CDH17: variants seen among roughly 807,000 people sequenced by gnomAD.
CDH17 encodes the protein cadherin 17.
In CDH17, 67 loss-of-function variants were observed where a neutral mutation model predicts 86.3. The observed-to-expected ratio is 0.78, with a 90% CI of 0.64 to 0.95. CDH17 has a LOEUF of 0.95. CDH17 is among the 40% of genes least tolerant of loss of function. The probability of loss-of-function intolerance (pLI) is 0.00; values close to 1 mark genes in which losing one functional copy is unlikely to be tolerated. For missense variants in CDH17, 993 were observed against 1,017.6 expected (o/e 0.98, Z 0.33); for synonymous variants, 367 against 366.4 (o/e 1.00, Z -0.02).
intron 15 of CDH17, among the ~76,000 whole-genome samples, chr8:94,137,457 G>C (rs765733588): frequency 5.3e-5 from 8 of 152,202 alleles, no homozygotes; most frequent in Non-Finnish European, 7.3e-5. Flanking sequence ...AGGCACGGGA[G>C]AGAATCTCCT....
At chr8:94,163,537 C>A (rs1267876236) in intron 10 of CDH17, among the ~76,000 whole-genome samples, 32 of 152,248 alleles carry the variant, frequency 2.1e-4, no homozygotes. Flanking sequence ...CCCTCCCTGG[C>A]TCCTTCAGGT....
chr8:94,146,316 T>C, intron 14 of CDH17, 149 bp from the exon 15 acceptor site: 3 of 600,004 alleles, frequency 5.0e-6, no homozygotes, highest in Non-Finnish European at 7.7e-6. Flanking sequence ...CTAGTTTCAT[T>C]ACTGGTGAAA....
intron 1 of CDH17, among the ~76,000 whole-genome samples, chr8:94,199,083 A>ATATT (rs1283889347): frequency 1.3e-3 from 29 of 23,180 alleles, no homozygotes; most frequent in Middle Eastern, 0.021. Context: ...ATATATATAT[A>ATATT]TTTTTTTTTT....
Position 94,162,092 on chromosome 8 carries a change from T to G in CDH17, c.1353A>C (p.Lys451Asn). The change falls in exon 11 of 18, where the codon AAA (lysine) becomes AAC (asparagine). Residue 451 changes from lysine (K) to asparagine (N), a missense_variant. Physicochemically the swap from Lys to Asn is moderately conservative, Grantham distance 94 (BLOSUM62 0). Coordinates refer to ENST00000027335, the MANE Select transcript of CDH17 (RefSeq NM_004063.4). ...AATAATGACAACTACTCACATCTGA[T>G]TTTTCAAAGATGGGGATCTGATCAT... ...DINDQIPIFE[K>N]SDYGNLTLAE... The G allele has an allele frequency of 1.3e-6, 2 of 1,576,064 alleles. No individual in the cohort carries two copies. Among genetic ancestry groups the G allele is most frequent in the Non-Finnish European group, 1.7e-6 (2 of 1,145,576 alleles).
At chr8:94,150,566 C>T (rs1327424367) in intron 13 of CDH17, among the ~76,000 whole-genome samples, 1 of 152,148 alleles carries the variant, frequency 6.6e-6, no homozygotes, top group African/African-American at 2.4e-5. Context: ...TTATTCCTTA[C>T]TCCTGAAACA....
chr8:94,209,188 G>A (rs1329105956), upstream of CDH17, among the ~76,000 whole-genome samples: 2 of 152,016 alleles, frequency 1.3e-5, no homozygotes, highest in Non-Finnish European at 2.9e-5. Flanking sequence ...ATTTACCTAG[G>A]AACAACTTAT....
intron 1 of CDH17, among the ~76,000 whole-genome samples, chr8:94,207,028 C>T (rs188162884): frequency 2.0e-5 from 3 of 152,170 alleles, no homozygotes; most frequent in East Asian, 3.9e-4. Context: ...TTTCAGGGGT[C>T]ATCTGGGTGA....
chr8:94,208,422 T>C (rs186326389), intron 1 of CDH17, 61 bp downstream of exon 1: 26 of 152,334 alleles, frequency 1.7e-4, no homozygotes, highest in African/African-American at 5.3e-4. Flanking sequence ...TCCCCCTCCA[T>C]CTACTTTGTC....
intron 15 of CDH17, among the ~76,000 whole-genome samples, chr8:94,135,135 G>A (rs535536645): frequency 2.0e-5 from 3 of 152,284 alleles, no homozygotes; most frequent in African/African-American, 7.2e-5. Flanking sequence ...TGTATATTCT[G>A]TTGATTTGGG....
intron 12 of CDH17, among the ~76,000 whole-genome samples, chr8:94,154,957 G>C (rs113413512): frequency 6.6e-6 from 1 of 151,990 alleles, no homozygotes. Context: ...CCCCTTTCCC[G>C]CATGCATGCA....
At position 94,202,057 on chromosome 8, in the gene CDH17, C is replaced by T; in HGVS notation, c.-21+6426G>A. The T allele has an allele frequency of 1.2e-5, 2 of 164,274 alleles. 1 individual carries two copies. The highest frequency in any genetic ancestry group is 3.0e-4 in the South Asian group (2 of 6,768). The allele number at this position is 164,274 out of a possible 1,614,324, so 10.2% of individuals were successfully genotyped here. Reference sequence around the variant, plus strand: ...GATCAGCCTTGCACTGCTTTGTAGTCTTACATTTCTCTTTTTCTGTCAAAG... The same window carrying T: ...GATCAGCCTTGCACTGCTTTGTAGTTTTACATTTCTCTTTTTCTGTCAAAG... On this transcript the variant is annotated intron_variant, in intron 1 of 17. Transcript: ENST00000027335.
At chr8:94,199,712 G>A (rs1019147732) in intron 1 of CDH17, among the ~76,000 whole-genome samples, 8 of 152,060 alleles carry the variant, frequency 5.3e-5, no homozygotes, top group African/African-American at 1.7e-4. Context: ...ATTGCCACAC[G>A]TAGGGTGCCA....
At chr8:94,136,561 T>C (rs557952653) in intron 15 of CDH17, among the ~76,000 whole-genome samples, 4 of 152,320 alleles carry the variant, frequency 2.6e-5, no homozygotes, top group African/African-American at 9.6e-5. Flanking sequence ...TCAAGGTTTT[T>C]AGCTTCCTTG....
At chr8:94,146,194 G>T in intron 14 of CDH17, 27 bp from the exon 15 acceptor site, 1 of 1,446,370 alleles carries the variant, frequency 6.9e-7, no homozygotes. Context: ...TTGAAACATG[G>T]GATCAGTTCA....
intron 15 of CDH17, among the ~76,000 whole-genome samples, chr8:94,138,196 A>G (rs1315917019): frequency 1.3e-5 from 2 of 152,108 alleles, no homozygotes; most frequent in Non-Finnish European, 2.9e-5. Flanking sequence ...AATTTTCCCA[A>G]ATTTGGGAAG....
At chr8:94,181,452 G>A (rs902402765) in intron 3 of CDH17, among the ~76,000 whole-genome samples, 3 of 151,932 alleles carry the variant, frequency 2.0e-5, no homozygotes, top group African/African-American at 7.3e-5. Flanking sequence ...GTTATACAAA[G>A]TATTTGACAA....
At position 94,128,333 on chromosome 8, in the gene CDH17, A is replaced by T; in HGVS notation, c.2406T>A (p.Ile802=). The change falls in exon 18 of 18, where the codon ATT becomes ATA. Residue 802 remains isoleucine, a synonymous_variant. Coordinates refer to ENST00000027335, the MANE Select transcript of CDH17 (RefSeq NM_004063.4). ...TTATGCGGATAAACACAACTGCTAA[A>T]ATTATACCTAAAAGAAAAAACCCAG... ...LLTTLLVIGI[I]LAVVFIRIKK... 2 of 1,602,624 alleles carry T rather than the reference A, an allele frequency of 1.2e-6. No individual in the cohort carries two copies. The highest frequency in any genetic ancestry group is 1.7e-6 in the Non-Finnish European group (2 of 1,170,912).
chr8:94,139,920 T>TG (rs1198778295), intron 15 of CDH17, among the ~76,000 whole-genome samples: 3 of 149,460 alleles, frequency 2.0e-5, no homozygotes, highest in African/African-American at 7.4e-5. Flanking sequence ...AAAGGGGGGG[T>TG]GGTGAAATAC....
intron 12 of CDH17, among the ~76,000 whole-genome samples, chr8:94,155,437 A>G (rs966822230): frequency 6.6e-6 from 1 of 152,102 alleles, no homozygotes; most frequent in Non-Finnish European, 1.5e-5. Context: ...TATCCAGTCC[A>G]GCAAAGTCCG....
Sources: gnomAD v4.1 joint callset for allele counts (sites outside exome capture counted in the v4.1 genomes callset) on GRCh38, gnomAD v4.1.1 for gene constraint, MANE v1.5 for transcripts, NCBI Gene and HGNC (gene_info 2026-07-23, HGNC 2026-07-21) for gene names.